PTPRD: variants seen among roughly 807,000 people sequenced by gnomAD.
PTPRD encodes receptor-type tyrosine-protein phosphatase delta.
In PTPRD, 34 loss-of-function variants were observed where a neutral mutation model predicts 214.5. The ratio of observed to expected loss-of-function variants is 0.16; its 90% CI spans 0.12 to 0.21. The LOEUF (loss-of-function observed/expected upper bound fraction) is 0.21, where lower values mean the gene tolerates loss of function less well. Among genes scored for constraint, PTPRD ranks in the 10% least tolerant of loss-of-function variants. The pLI is 1.00. For missense variants in PTPRD, 2,545 were observed against 2,398.7 expected, an observed-to-expected ratio of 1.06 and a Z score of -1.27; for synonymous variants, 1,128 against 845.7, an observed-to-expected ratio of 1.33 and a Z score of -5.79.
chr9:9,422,956 T>C (rs2079358495), intron 8 of PTPRD, among the ~76,000 whole-genome samples: 1 of 152,136 alleles, frequency 6.6e-6, no homozygotes, highest in Non-Finnish European at 1.5e-5. Context: ...GGAGAGTCCC[T>C]GATAAACATG....
intron 8 of PTPRD, among the ~76,000 whole-genome samples, chr9:9,479,801 A>G (rs541870015): frequency 1.3e-5 from 2 of 152,260 alleles, no homozygotes; most frequent in Admixed American, 6.5e-5. Context: ...GGAAGATACA[A>G]ATTATTTGGA....
intron 11 of PTPRD, among the ~76,000 whole-genome samples, chr9:8,789,920 G>T (rs2096153885): frequency 6.6e-6 from 1 of 152,082 alleles, no homozygotes; most frequent in South Asian, 2.1e-4. Flanking sequence ...GACACAAAAA[G>T]AACCATATGG....
intron 9 of PTPRD, among the ~76,000 whole-genome samples, chr9:9,285,353 C>T (rs1399173705): frequency 1.3e-5 from 2 of 151,758 alleles, no homozygotes; most frequent in Non-Finnish European, 2.9e-5. Context: ...ATTGCTCTTC[C>T]TCTGACTTCT....
intron 11 of PTPRD, among the ~76,000 whole-genome samples, chr9:8,798,165 C>A (rs2096487803): frequency 1.3e-5 from 2 of 152,028 alleles, no homozygotes; most frequent in Non-Finnish European, 2.9e-5. Flanking sequence ...ATCTATGGAT[C>A]AAATTTTCTT....
intron 26 of PTPRD, among the ~76,000 whole-genome samples, chr9:8,493,438 G>C (rs563106270): frequency 1.3e-5 from 2 of 152,272 alleles, no homozygotes; most frequent in South Asian, 2.1e-4. Context: ...TATGCCAACA[G>C]CTCTCCACAC....
At chr9:8,944,550 G>A (rs76098591) in intron 11 of PTPRD, among the ~76,000 whole-genome samples, 2 of 152,108 alleles carry the variant, frequency 1.3e-5, no homozygotes, top group South Asian at 2.1e-4. Flanking sequence ...GTACATATAC[G>A]CCATGAAGTA....
At chr9:8,905,510 G>A (rs1483970489) in intron 11 of PTPRD, among the ~76,000 whole-genome samples, 3 of 151,914 alleles carry the variant, frequency 2.0e-5, no homozygotes, top group Admixed American at 6.6e-5. Flanking sequence ...AGGTTGAGGC[G>A]GGCGGATTAC....
chr9:9,305,150 G>A (rs1956740396), intron 9 of PTPRD, among the ~76,000 whole-genome samples: 1 of 150,910 alleles, frequency 6.6e-6, no homozygotes, highest in South Asian at 2.1e-4. Context: ...AGCTTCTTTT[G>A]TCTCACTAAT....
intron 8 of PTPRD, among the ~76,000 whole-genome samples, chr9:9,455,740 G>GA (rs1372898656): frequency 6.0e-5 from 9 of 151,116 alleles, no homozygotes; most frequent in South Asian, 4.2e-4. Context: ...ATAGGTTGTA[G>GA]AAAAAAAACT....
rs144009575 is a variant in PTPRD at position 10,579,729 on chromosome 9, T to G, written c.-600+32669A>C. ...CTAAACTAATTTACATTTTCATCAA[T>G]GTGTATAACTGTTCCCTTTTCTCCA... On this transcript the variant is annotated intron_variant, in intron 2 of 45. Transcript: ENST00000381196. Among the ~76,000 whole-genome samples the G allele has an allele frequency of 8.2e-3, 1,247 of 152,286 alleles. 9 individuals are homozygous for G. The highest frequency in any genetic ancestry group is 0.017 in the Middle Eastern group (5 of 294).
intron 2 of PTPRD, among the ~76,000 whole-genome samples, chr9:10,523,656 G>GAA (rs1345027910): frequency 7.6e-6 from 1 of 131,216 alleles, no homozygotes; most frequent in Non-Finnish European, 1.6e-5. Flanking sequence ...GAGAGAGAGA[G>GAA]AAATAAAGAG....
chr9:9,413,349 C>G (rs2076094285), intron 8 of PTPRD, among the ~76,000 whole-genome samples: 1 of 151,186 alleles, frequency 6.6e-6, no homozygotes, highest in Non-Finnish European at 1.5e-5. Context: ...CTCCTGACCT[C>G]ATGATCCACC....
chr9:8,470,794 T>C (rs1367982323), intron 31 of PTPRD, among the ~76,000 whole-genome samples: 1 of 152,166 alleles, frequency 6.6e-6, no homozygotes, highest in Admixed American at 6.6e-5. Context: ...TTATTGCAGC[T>C]TAATGTTTTT....
chr9:9,649,087 T>TA (rs2096268463), intron 7 of PTPRD, among the ~76,000 whole-genome samples: 1 of 152,066 alleles, frequency 6.6e-6, no homozygotes, highest in East Asian at 1.9e-4. Flanking sequence ...TGGGAGGTAG[T>TA]AAACAAACCA....
chr9:9,342,775 T>C (rs1255546072), intron 9 of PTPRD, among the ~76,000 whole-genome samples: 1 of 151,870 alleles, frequency 6.6e-6, no homozygotes, highest in Non-Finnish European at 1.5e-5. Context: ...GTTTGATAAA[T>C]AGGTATACAC....
intron 13 of PTPRD, among the ~76,000 whole-genome samples, chr9:8,634,386 T>G (rs894258381): frequency 6.6e-5 from 10 of 152,080 alleles, no homozygotes; most frequent in African/African-American, 2.2e-4. Flanking sequence ...AATATTCCCA[T>G]GTGCCTAAAT....
intron 8 of PTPRD, among the ~76,000 whole-genome samples, chr9:9,467,633 T>C (rs183670442): frequency 7.4e-6 from 1 of 135,834 alleles, no homozygotes; most frequent in East Asian, 2.4e-4. Context: ...TGACCGCATC[T>C]CTTATCTTTC....
intron 5 of PTPRD, among the ~76,000 whole-genome samples, chr9:9,905,317 G>A (rs1266948151): frequency 6.6e-6 from 1 of 151,692 alleles, no homozygotes; most frequent in Non-Finnish European, 1.5e-5. Flanking sequence ...TTATATTTCA[G>A]GTAGAGTTTT....
At chr9:9,574,129 T>C (rs895151770) in intron 8 of PTPRD, among the ~76,000 whole-genome samples, 1 of 151,970 alleles carries the variant, frequency 6.6e-6, no homozygotes, top group African/African-American at 2.4e-5. Flanking sequence ...TAAACTCATA[T>C]TTATGTATAT....
Sources: gnomAD v4.1 joint callset for allele counts (sites outside exome capture counted in the v4.1 genomes callset) on GRCh38, gnomAD v4.1.1 for gene constraint, MANE v1.5 for transcripts, NCBI Gene and HGNC (gene_info 2026-07-23, HGNC 2026-07-21) for gene names.